MID1: variants seen among roughly 807,000 people sequenced by gnomAD.
The protein encoded by MID1 is E3 ubiquitin-protein ligase Midline-1.
A neutral mutation model predicts 40.4 loss-of-function variants in MID1; 7 were observed. The observed-to-expected ratio is 0.17, with a 90% confidence interval of 0.10 to 0.33. The LOEUF is 0.33. MID1 is among the 10% of genes least tolerant of loss of function. The pLI, the probability that MID1 is intolerant of heterozygous loss-of-function variation, is 1.00. For synonymous variants in MID1, 229 were observed against 221.2 expected (o/e 1.04, Z -0.31); for missense variants, 367 against 558.5 (o/e 0.66, Z 3.46).
chrX:10,543,768 G>A (rs1933569968), intron 2 of MID1, among the ~76,000 whole-genome samples: 3 of 110,883 alleles, frequency 2.7e-5, no homozygotes, highest in South Asian at 7.8e-4. Flanking sequence ...ACTGGAACCC[G>A]GGAAGCAAAG....
chrX:10,740,020 T>C (rs562469883), intron 1 of MID1, among the ~76,000 whole-genome samples: 1 of 112,823 alleles, frequency 8.9e-6, no homozygotes, highest in East Asian at 2.8e-4. Flanking sequence ...CCCAAGAAGA[T>C]ATATTGATCT....
intron 9 of MID1, among the ~76,000 whole-genome samples, chrX:10,452,659 C>T (rs901029310): frequency 2.1e-4 from 23 of 111,985 alleles, no homozygotes; most frequent in African/African-American, 6.5e-4. Context: ...TGCTAATACC[C>T]CCCAAGGAAA....
chrX:10,556,673 G>A (rs1379681763), intron 2 of MID1, among the ~76,000 whole-genome samples: 2 of 111,931 alleles, frequency 1.8e-5, no homozygotes, highest in African/African-American at 3.2e-5. Flanking sequence ...CACCATGCTC[G>A]GCACTTTACA....
intron 2 of MID1, among the ~76,000 whole-genome samples, chrX:10,532,340 T>A (rs1202381806): frequency 1.8e-5 from 2 of 111,509 alleles, no homozygotes; most frequent in Non-Finnish European, 3.8e-5. Context: ...AAAACTTTTT[T>A]AAAAATTAAA....
At chrX:10,790,174 T>G (rs1569171147) in intron 1 of MID1, among the ~76,000 whole-genome samples, 1 of 110,889 alleles carries the variant, frequency 9.0e-6, no homozygotes, top group Non-Finnish European at 1.9e-5. Flanking sequence ...TCTGCTTTCT[T>G]TTTTTTTCTT....
At chrX:10,559,681 TG>T (rs1184109555) in intron 2 of MID1, among the ~76,000 whole-genome samples, 2 of 111,558 alleles carry the variant, frequency 1.8e-5, no homozygotes, top group African/African-American at 3.3e-5. Context: ...CTCTCAGGAC[TG>T]GGGTCAGTAC....
At chrX:10,796,023 T>G (rs954054408) in intron 1 of MID1, among the ~76,000 whole-genome samples, 6 of 112,008 alleles carry the variant, frequency 5.4e-5, no homozygotes, top group Admixed American at 9.5e-5. Context: ...AATGAGGCTG[T>G]AAGTTTGCTC....
intron 1 of MID1, among the ~76,000 whole-genome samples, chrX:10,727,399 G>A (rs750726215): frequency 8.0e-5 from 9 of 112,979 alleles, no homozygotes; most frequent in East Asian, 2.8e-4. Flanking sequence ...GATGACAGGC[G>A]TGAGCCACTG....
chrX:10,484,751 G>T (rs186836625), intron 4 of MID1, among the ~76,000 whole-genome samples: 3 of 111,794 alleles, frequency 2.7e-5, no homozygotes, highest in African/African-American at 9.7e-5. Context: ...CAGAGCAGGA[G>T]GAATTTCCAT....
intron 2 of MID1, among the ~76,000 whole-genome samples, chrX:10,558,077 A>AAAC (rs1934193713): frequency 9.1e-6 from 1 of 110,285 alleles, no homozygotes; most frequent in Non-Finnish European, 1.9e-5. Context: ...AAAAAAAAAA[A>AAAC]AAAACACTTC....
At chrX:10,796,517 C>A (rs148626297) in intron 1 of MID1, among the ~76,000 whole-genome samples, 13 of 106,165 alleles carry the variant, frequency 1.2e-4, no homozygotes, top group Non-Finnish European at 2.3e-4. Flanking sequence ...GAAAAACAGT[C>A]ACCACAGTCC....
intron 1 of MID1, among the ~76,000 whole-genome samples, chrX:10,596,612 G>A (rs1283932018): frequency 9.0e-6 from 1 of 111,648 alleles, no homozygotes; most frequent in East Asian, 2.8e-4. Flanking sequence ...AAGGTGCTCA[G>A]AATAGAAGCA....
intron 2 of MID1, among the ~76,000 whole-genome samples, chrX:10,559,907 G>GTTTTTTT: frequency 9.4e-6 from 1 of 106,448 alleles, no homozygotes. Context: ...TTTTGAGACA[G>GTTTTTTT]GGTCTTGCTC....
intron 1 of MID1, among the ~76,000 whole-genome samples, chrX:10,713,631 A>C (rs976748875): frequency 4.4e-5 from 5 of 112,582 alleles, no homozygotes; most frequent in African/African-American, 1.6e-4. Flanking sequence ...CCTGAAAGAG[A>C]ATTTTTAAAG....
chrX:10,604,019 A>G (rs951484923), intron 1 of MID1, among the ~76,000 whole-genome samples: 6 of 111,938 alleles, frequency 5.4e-5, no homozygotes, highest in Admixed American at 9.5e-5. Flanking sequence ...TGGTAAGTAA[A>G]AGAGATGATG....
chrX:10,724,897 A>T (rs1471116935), intron 1 of MID1, among the ~76,000 whole-genome samples: 1 of 111,816 alleles, frequency 8.9e-6, no homozygotes, highest in Non-Finnish European at 1.9e-5. Context: ...AATGAGGGCG[A>T]ATTTTTAAAA....
intron 2 of MID1, among the ~76,000 whole-genome samples, chrX:10,560,823 CCCCATCAAGCTACCATTG>C (rs1569104923): frequency 2.8e-5 from 3 of 107,174 alleles, no homozygotes; most frequent in South Asian, 3.8e-4. Flanking sequence ...TCAATGCTAT[CCCCATCAAGCTACCATTG>C]ACTTTCTTCA....
chrX:10,642,481 G>A lies in MID1; in HGVS notation c.-186-22062C>T, dbSNP rs923903924. ...GGGATGTGAAGGACCTCTTCAAGGA[G>A]AACTACAAACCACTGCTCAACGAAA... On this transcript the variant is annotated intron_variant, in intron 1 of 10. Transcript: ENST00000380785. 6.6e-4 allele frequency among the ~76,000 whole-genome samples: 73 copies of A among 109,984 alleles called. 1 individual carries two copies. Among genetic ancestry groups the A allele is most frequent in the Non-Finnish European group, 1.2e-3 (64 of 52,782 alleles).
intron 7 of MID1, among the ~76,000 whole-genome samples, chrX:10,466,254 TC>T (rs1449076272): frequency 8.9e-6 from 1 of 112,290 alleles, no homozygotes; most frequent in Admixed American, 9.5e-5. Flanking sequence ...AATCCCTGGT[TC>T]AGTTTATCCC....
Sources: gnomAD v4.1 joint callset for allele counts (sites outside exome capture counted in the v4.1 genomes callset) on GRCh38, gnomAD v4.1.1 for gene constraint, MANE v1.5 for transcripts, NCBI Gene and HGNC (gene_info 2026-07-23, HGNC 2026-07-21) for gene names.